TRPC6: variants seen among roughly 807,000 people sequenced by gnomAD.
The protein encoded by TRPC6 is transient receptor potential cation channel subfamily C member 6.
In TRPC6, 55 loss-of-function variants were observed where a neutral mutation model predicts 90.7. The ratio of observed to expected loss-of-function variants is 0.61; its 90% CI spans 0.49 to 0.76. The LOEUF is 0.76. Ranked by LOEUF, TRPC6 falls within the 30% of genes least tolerant of loss-of-function variation. TRPC6 has a pLI of 0.00. For synonymous variants in TRPC6, 393 were observed against 393.0 expected (o/e 1.00, Z 0.00); for missense variants, 989 against 1,122.7 (o/e 0.88, Z 1.70).
intron 1 of TRPC6, among the ~76,000 whole-genome samples, chr11:101,567,547 C>T (rs887382215): frequency 2.0e-5 from 3 of 152,216 alleles, no homozygotes; most frequent in Non-Finnish European, 2.9e-5. Flanking sequence ...AAGTGGTTCC[C>T]TGAACCCCGT....
At chr11:101,567,194 G>C (rs1396550276) in intron 1 of TRPC6, among the ~76,000 whole-genome samples, 2 of 152,236 alleles carry the variant, frequency 1.3e-5, no homozygotes, top group East Asian at 1.9e-4. Flanking sequence ...AGGGGCGTCC[G>C]CTATTGCTGA....
intron 1 of TRPC6, among the ~76,000 whole-genome samples, chr11:101,571,852 C>T (rs570533060): frequency 4.4e-4 from 67 of 152,280 alleles, no homozygotes; most frequent in South Asian, 1.5e-3. Context: ...TTCCTTACAC[C>T]TTCTACAAAA....
intron 1 of TRPC6, among the ~76,000 whole-genome samples, chr11:101,521,322 G>T (rs1448143591): frequency 6.6e-6 from 1 of 152,200 alleles, no homozygotes. Flanking sequence ...GTCTTAGGAT[G>T]CTGCTCCAGA....
At position 101,452,689 on chromosome 11, in the gene TRPC6, G is replaced by A. The variant is rs1858789850; in HGVS notation, c.*266C>T. The A allele has an allele frequency of 2.3e-6, 1 of 440,606 alleles. No homozygotes were observed. Among genetic ancestry groups the A allele is most frequent in the Non-Finnish European group, 4.2e-6 (1 of 240,476 alleles). The allele number at this position is 440,606 out of a possible 1,614,324, so 27.3% of individuals were successfully genotyped here. The stretch of plus-strand genomic sequence containing the variant: ...ACATGGCAATGACATCATCACAAGA[G>A]TTAGTTATATCCAAGAAAGCAGTTT... On this transcript the variant is annotated 3_prime_UTR_variant, in exon 13 of 13. Coordinates refer to ENST00000344327, the MANE Select transcript of TRPC6 (RefSeq NM_004621.6).
intron 11 of TRPC6, among the ~76,000 whole-genome samples, 177 bp downstream of exon 11, chr11:101,454,841 A>T (rs1858847245): frequency 6.6e-6 from 1 of 151,578 alleles, no homozygotes; most frequent in East Asian, 1.9e-4. Flanking sequence ...ATTTTTTTTA[A>T]CTTATATATC....
At chr11:101,507,214 T>C (rs145996078) in intron 1 of TRPC6, among the ~76,000 whole-genome samples, 13 of 152,202 alleles carry the variant, frequency 8.5e-5, no homozygotes, top group South Asian at 2.1e-4. Context: ...TTAAACCTAA[T>C]AGATAAAAAT....
chr11:101,564,707 A>G (rs1429381418), intron 1 of TRPC6, among the ~76,000 whole-genome samples: 1 of 152,158 alleles, frequency 6.6e-6, no homozygotes, highest in African/African-American at 2.4e-5. Flanking sequence ...TTTCACAGAA[A>G]TAGAAAAAAA....
chr11:101,470,250 A>G (rs1859256377), intron 9 of TRPC6, among the ~76,000 whole-genome samples: 1 of 152,348 alleles, frequency 6.6e-6, no homozygotes, highest in Non-Finnish European at 1.5e-5. Flanking sequence ...ATATCGAATT[A>G]AAATTTAACA....
intron 2 of TRPC6, 57 bp from the exon 3 acceptor site, chr11:101,491,795 C>A (rs1460134290): frequency 1.1e-5 from 16 of 1,423,020 alleles, no homozygotes; most frequent in Non-Finnish European, 1.4e-5. Flanking sequence ...TTTTACTATG[C>A]TTCAGAGACT....
chr11:101,544,955 C>T (rs1182128889), intron 1 of TRPC6, among the ~76,000 whole-genome samples: 3 of 152,032 alleles, frequency 2.0e-5, no homozygotes, highest in Non-Finnish European at 2.9e-5. Flanking sequence ...CTTGGAGCAC[C>T]AGTAGTGCTA....
chr11:101,548,042 TGA>T (rs1298274198), intron 1 of TRPC6, among the ~76,000 whole-genome samples: 3 of 151,984 alleles, frequency 2.0e-5, no homozygotes, highest in African/African-American at 7.2e-5. Context: ...TTAAGGTTAT[TGA>T]GAGTATGGAA....
intron 1 of TRPC6, among the ~76,000 whole-genome samples, chr11:101,581,453 A>G (rs1862194574): frequency 6.6e-6 from 1 of 152,162 alleles, no homozygotes; most frequent in Admixed American, 6.5e-5. Context: ...TAATCAAATC[A>G]TTTTTTGACA....
chr11:101,572,523 A>G (rs1861985375), intron 1 of TRPC6, among the ~76,000 whole-genome samples: 1 of 152,196 alleles, frequency 6.6e-6, no homozygotes, highest in Non-Finnish European at 1.5e-5. Flanking sequence ...TACCCAAAGG[A>G]TTATAAATCA....
chr11:101,516,246 T>C (rs527301896), intron 1 of TRPC6, among the ~76,000 whole-genome samples: 1 of 152,180 alleles, frequency 6.6e-6, no homozygotes, highest in Non-Finnish European at 1.5e-5. Context: ...TAGCAATGCA[T>C]GGTAAGGCAA....
chr11:101,499,458 T>A (rs1276071607), intron 2 of TRPC6, among the ~76,000 whole-genome samples: 1 of 151,402 alleles, frequency 6.6e-6, no homozygotes, highest in Non-Finnish European at 1.5e-5. Context: ...TATTTATCCT[T>A]TTTTAATTTT....
intron 2 of TRPC6, among the ~76,000 whole-genome samples, chr11:101,501,129 A>ATACATACC: frequency 6.7e-6 from 1 of 148,314 alleles, no homozygotes; most frequent in South Asian, 2.1e-4. Flanking sequence ...ACATACATAC[A>ATACATACC]TACCATGAAC....
chr11:101,473,073 A>C, intron 7 of TRPC6, among the ~76,000 whole-genome samples: 1 of 152,174 alleles, frequency 6.6e-6, no homozygotes, highest in African/African-American at 2.4e-5. Context: ...CAATTAGGAA[A>C]GTAGCTGTTT....
chr11:101,482,339 G>A (rs1195403865), intron 5 of TRPC6, among the ~76,000 whole-genome samples: 1 of 152,122 alleles, frequency 6.6e-6, no homozygotes. Context: ...CAAGCTACAT[G>A]TATGATTGAT....
intron 2 of TRPC6, among the ~76,000 whole-genome samples, chr11:101,498,639 T>C (rs1323919139): frequency 6.6e-6 from 1 of 152,200 alleles, no homozygotes; most frequent in African/African-American, 2.4e-5. Context: ...AAGCAAGCTA[T>C]GTATTGGAGC....
Sources: gnomAD v4.1 joint callset for allele counts (sites outside exome capture counted in the v4.1 genomes callset) on GRCh38, gnomAD v4.1.1 for gene constraint, MANE v1.5 for transcripts, NCBI Gene and HGNC (gene_info 2026-07-23, HGNC 2026-07-21) for gene names.